FANCI: variants seen among roughly 807,000 people sequenced by gnomAD.
The protein encoded by FANCI is FA complementation group I, also known as Fanconi anemia group I protein.
FANCI carries 156 observed loss-of-function variants against 176.1 expected under a neutral mutation model. The ratio of observed to expected loss-of-function variants is 0.89; its 90% confidence interval spans 0.78 to 1.01. The LOEUF is 1.01. Ranked by LOEUF, FANCI falls within the 50% of genes least tolerant of loss-of-function variation. The pLI is 0.00. For missense variants in FANCI, 1,678 were observed against 1,534.1 expected (o/e 1.09, Z -1.57); for synonymous variants, 613 against 541.7 (o/e 1.13, Z -1.83).
chr15:89,285,024 A>G (rs2053761529), intron 17 of FANCI, 72 bp from the exon 18 acceptor site: 6 of 1,606,426 alleles, frequency 3.7e-6, no homozygotes, highest in Non-Finnish European at 5.1e-6. Flanking sequence ...GACCAAGAAC[A>G]TAGGCTCATT....
intron 18 of FANCI, among the ~76,000 whole-genome samples, chr15:89,285,507 G>T (rs902890089): frequency 6.6e-6 from 1 of 152,098 alleles, no homozygotes; most frequent in Non-Finnish European, 1.5e-5. Context: ...TGCGCCCGTG[G>T]TCCCAGCTAC....
At chr15:89,246,891 G>A (rs1184177763) in intron 1 of FANCI, among the ~76,000 whole-genome samples, 4 of 147,794 alleles carry the variant, frequency 2.7e-5, no homozygotes, top group Non-Finnish European at 4.5e-5. Flanking sequence ...TCAGCCTCCC[G>A]AGTAGCTGGG....
At chr15:89,265,240 C>T (rs1280622348) in intron 9 of FANCI, among the ~76,000 whole-genome samples, 1 of 152,120 alleles carries the variant, frequency 6.6e-6, no homozygotes, top group African/African-American at 2.4e-5. Context: ...CAGAGTGTAG[C>T]TCTGTGGCCC....
rs11321073 is a variant in FANCI, at chr15:89,312,816, T to TAA, written c.3652-70_3652-69dup. On this transcript the variant is annotated intron_variant, in intron 34 of 37. Transcript: ENST00000310775. ...CCTGGGTGACAGCAAAGCTCTGTCT[T>TAA]AAAAAAAAAAAAAAAAAAATTAGCA... 0.033 allele frequency: 28,542 copies of TAA among 854,318 alleles called. 218 individuals are homozygous for TAA. Among genetic ancestry groups the TAA allele is most frequent in the Non-Finnish European group, 0.04 (22,886 of 569,208 alleles). 52.9% of individuals were successfully genotyped at this position (854,318 alleles called of 1,614,324 possible). A position where few individuals can be genotyped will look rare whatever the true frequency, so the allele number is the denominator to read the frequency against.
intron 2 of FANCI, among the ~76,000 whole-genome samples, chr15:89,255,718 T>C (rs2052464154): frequency 6.6e-6 from 1 of 152,248 alleles, no homozygotes; most frequent in East Asian, 1.9e-4. Context: ...AGTCTGCCAA[T>C]TAATTTTAAA....
intron 18 of FANCI, among the ~76,000 whole-genome samples, chr15:89,286,269 A>G (rs1054646081): frequency 1.3e-5 from 2 of 152,240 alleles, no homozygotes; most frequent in African/African-American, 4.8e-5. Context: ...TTGGGATTAC[A>G]GGCGTGAGCC....
At chr15:89,258,996 G>A in intron 3 of FANCI, 1 of 528,048 alleles carries the variant, frequency 1.9e-6, no homozygotes, top group Non-Finnish European at 3.4e-6. Flanking sequence ...TGCTGATTTG[G>A]GGGCCTATAA....
chr15:89,310,164 T>C (rs1300083775), intron 34 of FANCI, among the ~76,000 whole-genome samples: 1 of 152,236 alleles, frequency 6.6e-6, no homozygotes, highest in Non-Finnish European at 1.5e-5. Flanking sequence ...AAGGGCCAGA[T>C]AGTAAATGTG....
At chr15:89,284,672 C>G (rs987378968) in intron 17 of FANCI, among the ~76,000 whole-genome samples, 1 of 152,156 alleles carries the variant, frequency 6.6e-6, no homozygotes, top group Non-Finnish European at 1.5e-5. Context: ...AGTTCTTTGT[C>G]ATGTCCATTT....
intron 16 of FANCI, 141 bp from the exon 17 acceptor site, chr15:89,282,995 A>G: frequency 1.2e-6 from 1 of 806,400 alleles, no homozygotes; most frequent in Non-Finnish European, 2.1e-6. Flanking sequence ...TATTTTGAGT[A>G]CATAAATTCA....
chr15:89,268,188 G>A (rs1043984746), intron 9 of FANCI, among the ~76,000 whole-genome samples: 5 of 152,188 alleles, frequency 3.3e-5, no homozygotes, highest in South Asian at 2.1e-4. Flanking sequence ...TCCACCTTCC[G>A]GGCTGAAGCA....
chr15:89,308,143 CTCCTT>C, intron 34 of FANCI: 1 of 1,080,178 alleles, frequency 9.3e-7, no homozygotes, highest in Non-Finnish European at 1.1e-6. Flanking sequence ...GTACTTGAAT[CTCCTT>C]TACTGTTTGC....
intron 24 of FANCI, among the ~76,000 whole-genome samples, chr15:89,296,789 C>A (rs909163259): frequency 1.3e-5 from 2 of 151,234 alleles, no homozygotes; most frequent in African/African-American, 4.9e-5. Context: ...CCAGACGGGG[C>A]GGCTGGCCAG....
At chr15:89,316,182 C>T (rs2055244477) in intron 37 of FANCI, 1 of 589,644 alleles carries the variant, frequency 1.7e-6, no homozygotes, top group Non-Finnish European at 3.0e-6. Context: ...TAGCAAAAGT[C>T]CTAAAAGGAG....
Position 89,263,956 on chromosome 15 carries a change from G to T in FANCI, c.599G>T (p.Ser200Ile), listed in dbSNP as rs750121617. Residue 200 changes from serine (S) to isoleucine (I), a missense_variant, in exon 8 of 38, where the codon AGC (serine) becomes ATC (isoleucine). Physicochemically the swap from Ser to Ile is moderately radical, Grantham distance 142. Coordinates refer to ENST00000310775, the MANE Select transcript of FANCI (RefSeq NM_001113378.2). ...EVEFVVEKAL[S>I]MFSKMNLQEI... is the part of the protein sequence containing the mutation. ...GAATTTGTGGTGGAAAAAGCATTGA[G>T]CATGTTCTCCAAGATGAATCTTCAA... 20 of 1,614,070 alleles carry T rather than the reference G, an allele frequency of 1.2e-5. No individual in the cohort carries two copies. The highest frequency in any genetic ancestry group is 1.5e-5 in the Non-Finnish European group (18 of 1,179,942).
Position 89,291,352 on chromosome 15 carries a change from T to C in FANCI, c.1891-261T>C, listed in dbSNP as rs8031091. The stretch of plus-strand genomic sequence containing the variant: ...CTGTATTTTTAACCTCCAAGTTAAC[T>C]GAAAATGTTGATTGCATGTACAAGT... On this transcript the variant is annotated intron_variant, in intron 19 of 37. Coordinates refer to ENST00000310775, the MANE Select transcript of FANCI (RefSeq NM_001113378.2). Among the ~76,000 whole-genome samples the C allele has an allele frequency of 0.011, 1,701 of 152,272 alleles. 30 individuals carry two copies. Among genetic ancestry groups the C allele is most frequent in the African/African-American group, 0.039 (1,614 of 41,548 alleles).
At chr15:89,274,596 T>C in intron 12 of FANCI, among the ~76,000 whole-genome samples, 1 of 136,660 alleles carries the variant, frequency 7.3e-6, no homozygotes, top group Middle Eastern at 3.5e-3. Context: ...TTTTCTTTCT[T>C]TCCTTTTTTT....
At chr15:89,250,486 A>T (rs2052193327) in intron 2 of FANCI, among the ~76,000 whole-genome samples, 1 of 146,532 alleles carries the variant, frequency 6.8e-6, no homozygotes, top group Admixed American at 6.8e-5. Flanking sequence ...ATAGGTGGGA[A>T]TTGAACAGTG....
chr15:89,260,713 G>C lies in FANCI; in HGVS notation c.158G>C (p.Gly53Ala), dbSNP rs149223439. 2.4e-4 allele frequency: 383 copies of C among 1,613,354 alleles called. 1 individual carries two copies. The highest frequency in any genetic ancestry group is 3.6e-5 in the Non-Finnish European group (43 of 1,179,688). ...TGAACCCCCTGTTTAAAACAATAAGGTTCCCCCTGCTCTGAGGAAGCTGGA... is the reference window on the plus strand; with the variant it reads ...TGAACCCCCTGTTTAAAACAATAAGCTTCCCCCTGCTCTGAGGAAGCTGGA... ...AGALLRAIFKGSPCSEEAGTL... is the reference protein window; with the variant it reads ...AGALLRAIFKASPCSEEAGTL... The change falls in exon 4 of 38, where the codon GGT (glycine) becomes GCT (alanine). Residue 53 changes from glycine (G) to alanine (A), a missense_variant and splice_region_variant. Transcript: ENST00000310775.
Sources: allele counts gnomAD v4.1 joint callset (sites outside exome capture counted in the v4.1 genomes callset), GRCh38; gene constraint gnomAD v4.1.1; transcripts MANE v1.5; gene names NCBI Gene and HGNC (gene_info 2026-07-23, HGNC 2026-07-21).